Variants in SUGT1 observed in about 807,000 individuals in gnomAD.
The protein encoded by SUGT1 is protein SGT1 homolog.
SUGT1 carries 15 observed loss-of-function variants against 56.1 expected under a neutral mutation model. The observed-to-expected ratio is 0.27, with a 90% CI of 0.18 to 0.41. The LOEUF (loss-of-function observed/expected upper bound fraction) is 0.41. Among genes scored for constraint, SUGT1 ranks in the 10% least tolerant of loss-of-function variants. SUGT1 has a pLI of 1.00. For missense variants in SUGT1, 347 were observed against 382.2 expected, an observed-to-expected ratio of 0.91 and a Z score of 0.77; for synonymous variants, 123 against 128.6, an observed-to-expected ratio of 0.96 and a Z score of 0.30.
intron 11 of SUGT1, among the ~76,000 whole-genome samples, chr13:52,677,871 A>C (rs1023419904): frequency 1.3e-5 from 2 of 152,216 alleles, no homozygotes; most frequent in South Asian, 2.1e-4. Context: ...TCCAGGTGTT[A>C]AAAGTTTTTC....
At chr13:52,654,813 A>G (rs1162272545) in intron 2 of SUGT1, among the ~76,000 whole-genome samples, 1 of 152,274 alleles carries the variant, frequency 6.6e-6, no homozygotes, top group African/African-American at 2.4e-5. Context: ...TATATGTTGT[A>G]TAGCCGTAAG....
At position 52,698,881 on chromosome 13, in the gene SUGT1, T is replaced by C. The variant is rs1188544676; in HGVS notation, c.*11046T>C. The C allele has an allele frequency of 6.6e-6, 1 of 152,228 alleles. No homozygotes were observed. The highest frequency in any genetic ancestry group is 1.5e-5 in the Non-Finnish European group (1 of 68,040). The allele number at this position is 152,228 out of a possible 1,614,324, so 9.4% of individuals were successfully genotyped here. ...CTTGGGAAGCTTATTTTTAAAAATG[T>C]AGACCTTCATTACTTTCCTCCTGAG... On this transcript the variant is annotated 3_prime_UTR_variant, in exon 13 of 13. Transcript: ENST00000310528.
At chr13:52,658,100 G>C in intron 3 of SUGT1, 1 of 1,285,160 alleles carries the variant, frequency 7.8e-7, no homozygotes, top group African/African-American at 1.5e-5. Context: ...TCTGAATAGG[G>C]AAAAACTGAA....
intron 10 of SUGT1, among the ~76,000 whole-genome samples, chr13:52,674,675 T>G (rs1407059915): frequency 2.6e-5 from 4 of 152,202 alleles, no homozygotes; most frequent in Non-Finnish European, 5.9e-5. Flanking sequence ...TTTGATTTTT[T>G]AATCCCATTT....
At chr13:52,671,776 A>G (rs1962952705) in intron 10 of SUGT1, among the ~76,000 whole-genome samples, 1 of 152,164 alleles carries the variant, frequency 6.6e-6, no homozygotes, top group Non-Finnish European at 1.5e-5. Context: ...GCTCGCTGAG[A>G]TTGAGTTGCT....
intron 2 of SUGT1, among the ~76,000 whole-genome samples, chr13:52,654,003 G>T (rs1363986972): frequency 6.6e-6 from 1 of 152,238 alleles, no homozygotes; most frequent in African/African-American, 2.4e-5. Context: ...TAACTTGGAA[G>T]CTCTGGGGAA....
At chr13:52,681,034 C>T (rs543781243) in intron 12 of SUGT1, among the ~76,000 whole-genome samples, 153 of 152,204 alleles carry the variant, frequency 1.0e-3, no homozygotes, top group Admixed American at 1.5e-3. Flanking sequence ...GGTGGGGTTG[C>T]GCCACGTTGC....
chr13:52,684,819 C>G (rs150526767), intron 12 of SUGT1, among the ~76,000 whole-genome samples: 2 of 151,980 alleles, frequency 1.3e-5, no homozygotes, highest in Non-Finnish European at 1.5e-5. Flanking sequence ...TGAGCCACCA[C>G]GCCTGGCCTG....
At chr13:52,662,508 G>A (rs919374502) in intron 5 of SUGT1, 141 bp from the exon 6 acceptor site, 1 of 627,582 alleles carries the variant, frequency 1.6e-6, no homozygotes, top group Non-Finnish European at 2.8e-6. Context: ...TTGGTGATAA[G>A]GTCTGTTAAG....
intron 10 of SUGT1, among the ~76,000 whole-genome samples, chr13:52,674,843 G>A (rs955431044): frequency 2.6e-5 from 4 of 152,168 alleles, no homozygotes; most frequent in African/African-American, 9.7e-5. Context: ...AGAGGTGAGA[G>A]CATTATTTGA....
chr13:52,679,263 C>G (rs1429879904), intron 11 of SUGT1, among the ~76,000 whole-genome samples: 1 of 152,202 alleles, frequency 6.6e-6, no homozygotes, highest in East Asian at 1.9e-4. Context: ...CCCCGAGCCC[C>G]TGGGCCAGTA....
Position 52,695,888 on chromosome 13 carries a change from CA to C in SUGT1, c.*8057del, listed in dbSNP as rs1245427882. ...CATCTCCAGTTTCCTACTGATGTGT[CA>C]AAACTGAGTTTGTATGCTACCTCCA... On this transcript the variant is annotated 3_prime_UTR_variant, in exon 13 of 13. Coordinates refer to ENST00000310528, the MANE Select transcript of SUGT1 (RefSeq NM_006704.5). 1 of 152,200 alleles carries C rather than the reference CA, an allele frequency of 6.6e-6. No individual in the cohort carries two copies. The highest frequency in any genetic ancestry group is 1.5e-5 in the Non-Finnish European group (1 of 68,026). 9.4% of individuals were successfully genotyped at this position (152,200 alleles called of 1,614,324 possible).
At position 52,692,948 on chromosome 13, in the gene SUGT1, T is replaced by C. The variant is rs547903586; in HGVS notation, c.*5113T>C. The stretch of plus-strand genomic sequence containing the variant: ...CTGGTACATGATGCCAATGAAATTC[T>C]TTTTTTCCTTTAACTTGGGAGCTCT... On this transcript the variant is annotated 3_prime_UTR_variant, in exon 13 of 13. Transcript: ENST00000310528. 2 of 152,290 alleles carry C rather than the reference T, an allele frequency of 1.3e-5. No homozygotes were observed. The highest frequency in any genetic ancestry group is 3.9e-4 in the East Asian group (2 of 5,188). 9.4% of individuals were successfully genotyped at this position (152,290 alleles called of 1,614,324 possible).
chr13:52,661,617 A>G, intron 5 of SUGT1: 1 of 416,144 alleles, frequency 2.4e-6, no homozygotes, highest in South Asian at 1.7e-5. Context: ...AGTTAAGTTA[A>G]ACTTTTAGGC....
At position 52,664,070 on chromosome 13, in the gene SUGT1, T is replaced by C. The variant is rs758689208; in HGVS notation, c.422+13T>C. ...AGTCAAAAATCAAGTGAGTGTTTCTTTTTCATAAAACAATGCATGATAAAT... is the reference window on the plus strand; with the variant it reads ...AGTCAAAAATCAAGTGAGTGTTTCTCTTTCATAAAACAATGCATGATAAAT... On this transcript the variant is annotated intron_variant, in intron 8 of 12. Transcript: ENST00000310528. 4 of 1,612,436 alleles carry C rather than the reference T, an allele frequency of 2.5e-6. No individual in the cohort carries two copies.
In SUGT1 at chr13:52,700,314, T is replaced by C. The variant is rs1243654478; in HGVS notation, c.*12479T>C. 1.3e-5 allele frequency: 2 copies of C among 152,176 alleles called. No homozygotes were observed. Among genetic ancestry groups the C allele is most frequent in the African/African-American group, 2.4e-5 (1 of 41,452 alleles). The allele number at this position is 152,176 out of a possible 1,614,324, so 9.4% of individuals were successfully genotyped here. On this transcript the variant is annotated 3_prime_UTR_variant, in exon 13 of 13. Transcript: ENST00000310528. The stretch of plus-strand genomic sequence containing the variant: ...TTAGAAAATAGCCTCAGCTATTTGC[T>C]ATGTTTATATTATACCTGCATAAAA...
At position 52,698,622 on chromosome 13, in the gene SUGT1, A is replaced by T. The variant is rs1201744447; in HGVS notation, c.*10787A>T. ...TAATTTTTAAATTTTTTTTGTAGAG[A>T]CAGGGTCTTGCTGTGTTGCCCGGGC... On this transcript the variant is annotated 3_prime_UTR_variant, in exon 13 of 13. Transcript: ENST00000310528. The T allele has an allele frequency of 4.6e-5, 7 of 151,820 alleles. No homozygotes were observed. The highest frequency in any genetic ancestry group is 1.3e-4 in the Admixed American group (2 of 15,204). The allele number at this position is 151,820 out of a possible 1,614,324, so 9.4% of individuals were successfully genotyped here.
intron 12 of SUGT1, among the ~76,000 whole-genome samples, chr13:52,684,960 T>G (rs1207135635): frequency 6.6e-6 from 1 of 151,394 alleles, no homozygotes; most frequent in Non-Finnish European, 1.5e-5. Context: ...CTTCTTCAGC[T>G]CCAAGTCTAG....
rs1313550184 is a variant in SUGT1, at chr13:52,693,758, T to C, written c.*5923T>C. ...ATGTGCATCTGTATGACAAGTGATA[T>C]AAAACGTGACCTGAATTTATAATAT... On this transcript the variant is annotated 3_prime_UTR_variant, in exon 13 of 13. Coordinates refer to ENST00000310528, the MANE Select transcript of SUGT1 (RefSeq NM_006704.5). 2 of 152,170 alleles carry C rather than the reference T, an allele frequency of 1.3e-5. No homozygotes were observed. Among genetic ancestry groups the C allele is most frequent in the East Asian group, 1.9e-4 (1 of 5,190 alleles). 9.4% of individuals were successfully genotyped at this position (152,170 alleles called of 1,614,324 possible). A position where few individuals can be genotyped will look rare whatever the true frequency, so the allele number is the denominator to read the frequency against.
Sources: allele counts gnomAD v4.1 joint callset (sites outside exome capture counted in the v4.1 genomes callset), GRCh38; gene constraint gnomAD v4.1.1; transcripts MANE v1.5; gene names NCBI Gene and HGNC (gene_info 2026-07-23, HGNC 2026-07-21).